The following MRPS6 variants were observed in gnomAD, a reference collection of about 807,000 sequenced individuals.
The protein encoded by MRPS6 is small ribosomal subunit protein bS6m.
Under a neutral mutation model 13.1 loss-of-function variants are expected in MRPS6, and 6 were observed. The ratio of observed to expected loss-of-function variants is 0.46; its 90% CI spans 0.25 to 0.91. The LOEUF (loss-of-function observed/expected upper bound fraction) is 0.91. Ranked by LOEUF, MRPS6 falls within the 40% of genes least tolerant of loss-of-function variation. MRPS6 has a pLI of 0.18. For missense variants in MRPS6, 164 were observed against 155.6 expected (o/e 1.05, Z -0.29); for synonymous variants, 61 against 56.5 (o/e 1.08, Z -0.36).
intron 1 of MRPS6, among the ~76,000 whole-genome samples, chr21:34,109,469 C>A (rs1214653488): frequency 6.6e-6 from 1 of 152,288 alleles, no homozygotes; most frequent in South Asian, 2.1e-4. Context: ...GGGGAAAGAA[C>A]ACAGGGGCCC....
intron 2 of MRPS6, among the ~76,000 whole-genome samples, chr21:34,130,215 A>T (rs948423813): frequency 2.0e-5 from 3 of 152,088 alleles, no homozygotes; most frequent in Non-Finnish European, 1.5e-5. Context: ...CAAAGAATGT[A>T]ACTCAAATTC....
chr21:34,101,874 A>T lies in MRPS6; in HGVS notation c.46-23467A>T, dbSNP rs555087445. ...TCTCAAAACTCCTTTTTCAAAAATT[A>T]GGGAGAGAGCAGTAGTGATCATTTA... is the stretch of plus-strand genomic sequence containing the variant. On this transcript the variant is annotated intron_variant, in intron 1 of 2. Coordinates refer to ENST00000399312, the MANE Select transcript of MRPS6 (RefSeq NM_032476.4). 5.0e-6 allele frequency: 5 copies of T among 1,000,146 alleles called. No homozygotes were observed. The East Asian group carries it at 5.7e-4, about 113-fold the overall frequency. The allele number at this position is 1,000,146 out of a possible 1,614,324, so 62.0% of individuals were successfully genotyped here. A position where few individuals can be genotyped will look rare whatever the true frequency, so the allele number is the denominator to read the frequency against.
chr21:34,103,216 G>T (rs1480141149), intron 1 of MRPS6: 7 of 999,144 alleles, frequency 7.0e-6, no homozygotes, highest in Non-Finnish European at 8.4e-6. Context: ...GTGCCTTCTG[G>T]TTACCAGTAT....
At chr21:34,075,198 C>T (rs148760762) in intron 1 of MRPS6, among the ~76,000 whole-genome samples, 1 of 152,302 alleles carries the variant, frequency 6.6e-6, no homozygotes, top group African/African-American at 2.4e-5. Flanking sequence ...CTGGGAAATT[C>T]GTTACTGAAA....
chr21:34,113,873 C>T (rs1257631805), intron 1 of MRPS6, among the ~76,000 whole-genome samples: 5 of 152,122 alleles, frequency 3.3e-5, no homozygotes, highest in Non-Finnish European at 5.9e-5. Context: ...CTGTTCCCTC[C>T]CCTGGTTTTC....
chr21:34,112,082 A>G (rs1318828408), intron 1 of MRPS6, among the ~76,000 whole-genome samples: 3 of 152,206 alleles, frequency 2.0e-5, no homozygotes, highest in African/African-American at 4.8e-5. Flanking sequence ...CTGTCTTTCA[A>G]AAAATACTCT....
intron 2 of MRPS6, among the ~76,000 whole-genome samples, chr21:34,126,681 AGAG>A (rs1163922650): frequency 1.3e-5 from 2 of 152,182 alleles, no homozygotes; most frequent in Non-Finnish European, 2.9e-5. Context: ...TTTTGTTGAA[AGAG>A]GAGCATATAA....
chr21:34,092,924 C>CT (rs1260210095), intron 1 of MRPS6, among the ~76,000 whole-genome samples: 1 of 152,156 alleles, frequency 6.6e-6, no homozygotes, highest in Non-Finnish European at 1.5e-5. Context: ...ACTTGGATGG[C>CT]TGTTGGGTAG....
chr21:34,130,095 C>T (rs968483023), intron 2 of MRPS6, among the ~76,000 whole-genome samples: 1 of 152,182 alleles, frequency 6.6e-6, no homozygotes, highest in Non-Finnish European at 1.5e-5. Context: ...TTCAGGGCTG[C>T]AAAGCCCTCC....
At chr21:34,100,135 A>T in intron 1 of MRPS6, 11 of 999,470 alleles carry the variant, frequency 1.1e-5, no homozygotes, top group Non-Finnish European at 1.3e-5. Context: ...ATTGACTAGA[A>T]TAGCTAAAAG....
chr21:34,075,614 T>A (rs13052524), intron 1 of MRPS6, among the ~76,000 whole-genome samples: 23,875 of 152,230 alleles, frequency 0.16, 2,271 homozygotes, highest in African/African-American at 0.25. Context: ...AGAGGCCCCA[T>A]GGCAGTAGAT....
chr21:34,124,025 T>A (rs1980215092), intron 1 of MRPS6: 2 of 152,336 alleles, frequency 1.3e-5, no homozygotes, highest in South Asian at 4.1e-4. Context: ...GCTGGTGATC[T>A]CCTTTCCTCT....
At chr21:34,106,037 G>A (rs927241457) in intron 1 of MRPS6, 10 of 997,400 alleles carry the variant, frequency 1.0e-5, no homozygotes, top group Non-Finnish European at 1.2e-5. Flanking sequence ...AGAGCTGTCA[G>A]TTTTCATTAC....
intron 1 of MRPS6, among the ~76,000 whole-genome samples, chr21:34,116,212 G>GTGTGTA (rs1348188334): frequency 6.9e-6 from 1 of 145,814 alleles, no homozygotes; most frequent in Non-Finnish European, 1.5e-5. Context: ...GTGTGTGTGT[G>GTGTGTA]TGTGTATGTG....
At chr21:34,100,022 T>G (rs929594704) in intron 1 of MRPS6, 2 of 889,228 alleles carry the variant, frequency 2.2e-6, no homozygotes, top group African/African-American at 3.6e-5. Context: ...GTTCATACTT[T>G]ACACTGACTA....
In MRPS6 at chr21:34,097,972, G is replaced by A. The variant is rs375527561; in HGVS notation, c.45+24227G>A. 8.8e-5 allele frequency: 88 copies of A among 996,982 alleles called. 2 individuals are homozygous for A. In the South Asian group the frequency reaches 3.8e-3, roughly 43 times the overall value. The allele number at this position is 996,982 out of a possible 1,614,324, so 61.8% of individuals were successfully genotyped here. A position where few individuals can be genotyped will look rare whatever the true frequency, so the allele number is the denominator to read the frequency against. ...TACCACCAGTATATGGAATGTTAGG[G>A]AAAAACTTTGTTCCAGTTCCTTTTT... On this transcript the variant is annotated intron_variant, in intron 1 of 2. Coordinates refer to ENST00000399312, the MANE Select transcript of MRPS6 (RefSeq NM_032476.4).
chr21:34,121,141 T>C (rs968970077), intron 1 of MRPS6, among the ~76,000 whole-genome samples: 12 of 152,128 alleles, frequency 7.9e-5, no homozygotes, highest in African/African-American at 2.9e-4. Context: ...TAGATTGCTG[T>C]AGTGCTGTTA....
At chr21:34,074,999 A>G (rs997091332) in intron 1 of MRPS6, among the ~76,000 whole-genome samples, 9 of 152,232 alleles carry the variant, frequency 5.9e-5, no homozygotes, top group Admixed American at 2.6e-4. Context: ...TGGATTTGGA[A>G]GAAGTTAAGA....
chr21:34,106,049 G>A (rs1034680145), intron 1 of MRPS6: 42 of 997,328 alleles, frequency 4.2e-5, no homozygotes, highest in Non-Finnish European at 4.8e-5. Flanking sequence ...TTTCATTACT[G>A]ACTCTGTAAA....
Sources: allele counts gnomAD v4.1 joint callset (sites outside exome capture counted in the v4.1 genomes callset), GRCh38; gene constraint gnomAD v4.1.1; transcripts MANE v1.5; gene names NCBI Gene and HGNC (gene_info 2026-07-23, HGNC 2026-07-21).